CUX1: variants seen among roughly 807,000 people sequenced by gnomAD.
The protein encoded by CUX1 is cut like homeobox 1, also known as protein CASP.
CUX1 carries 31 observed loss-of-function variants against 158.8 expected under a neutral mutation model. The observed-to-expected ratio is 0.20, with a 90% CI of 0.15 to 0.26. The LOEUF is 0.26. Among genes scored for constraint, CUX1 ranks in the 10% least tolerant of loss-of-function variants. The pLI is 1.00. For missense variants in CUX1, 1,589 were observed against 2,014.6 expected (o/e 0.79, Z 4.04); for synonymous variants, 879 against 862.1 (o/e 1.02, Z -0.34).
At chr7:102,281,935 G>T (rs77033884) in intron 21 of CUX1, 2 of 1,584,064 alleles carry the variant, frequency 1.3e-6, no homozygotes, top group African/African-American at 2.7e-5. Context: ...GTGTGCACAC[G>T]GGCGGGCCAG....
intron 20 of CUX1, among the ~76,000 whole-genome samples, chr7:102,206,535 C>T (rs540531817): frequency 1.1e-4 from 17 of 152,136 alleles, no homozygotes; most frequent in African/African-American, 2.9e-4. Flanking sequence ...TTGAAACTCA[C>T]GAGAGTATTT....
chr7:102,197,789 A>G (rs1162728503), intron 15 of CUX1, among the ~76,000 whole-genome samples: 1 of 152,172 alleles, frequency 6.6e-6, no homozygotes, highest in East Asian at 1.9e-4. Context: ...CCCGCAGAAG[A>G]GGGCGTGTCC....
chr7:102,216,619 C>A (rs192128500), intron 20 of CUX1, among the ~76,000 whole-genome samples: 7 of 73,978 alleles, frequency 9.5e-5, no homozygotes, highest in South Asian at 5.5e-4. Flanking sequence ...CACACACTCC[C>A]CACACACACA....
At position 102,248,554 on chromosome 7, in the gene CUX1, A is replaced by T. The variant is rs1395259280; in HGVS notation, c.4030A>T (p.Thr1344Ser). 3 of 1,500,744 alleles carry T rather than the reference A, an allele frequency of 2.0e-6. No homozygotes were observed. The African/African-American group carries it at 4.3e-5, about 22-fold the overall frequency. The allele number at this position is 1,500,744 out of a possible 1,614,324, so 93.0% of individuals were successfully genotyped here. Residue 1344 changes from threonine to serine, a missense_variant, in exon 24 of 24, where the codon ACT (threonine) becomes TCT (serine). Physicochemically the swap from Thr to Ser is moderately conservative, Grantham distance 58. Transcript: ENST00000292535. This position sits in a 1 kb window ranked among gnomAD's most constrained non-coding sequence, Gnocchi z 5.8. ...EGDSCDGVEA[T>S]EGPGSADTEE... is the part of the protein sequence containing the mutation. ...CGACAGCTGCGACGGCGTGGAGGCC[A>T]CTGAGGGCCCAGGCAGCGCCGACAC... is the stretch of plus-strand genomic sequence containing the variant.
exon 20 of CUX1, chr7:102,280,847 C>T: frequency 6.2e-7 from 1 of 1,612,468 alleles, no homozygotes. Flanking sequence ...TGGGACAAGG[C>T]CACCCTCAGC....
At chr7:101,889,888 G>T (rs1203038025) in intron 1 of CUX1, among the ~76,000 whole-genome samples, 1 of 152,208 alleles carries the variant, frequency 6.6e-6, no homozygotes, top group East Asian at 1.9e-4. Context: ...CGCTTGTAGG[G>T]TGTTGAAACT....
At chr7:102,234,549 C>T (rs1286270458) in intron 22 of CUX1, among the ~76,000 whole-genome samples, 45 of 152,058 alleles carry the variant, frequency 3.0e-4, no homozygotes, top group Admixed American at 3.0e-3. Flanking sequence ...GGTGGCTGAT[C>T]GGGCTATCAC....
intron 3 of CUX1, among the ~76,000 whole-genome samples, chr7:102,058,486 G>C (rs1312268528): frequency 6.6e-6 from 1 of 151,682 alleles, no homozygotes; most frequent in African/African-American, 2.4e-5. Context: ...TTTCACGATG[G>C]TGGCCAGGCT....
intron 2 of CUX1, among the ~76,000 whole-genome samples, chr7:102,016,414 C>A (rs1249461220): frequency 1.3e-5 from 2 of 152,234 alleles, no homozygotes; most frequent in African/African-American, 4.8e-5. Flanking sequence ...GAAGGAGCCC[C>A]TAAAACAGGG....
intron 1 of CUX1, among the ~76,000 whole-genome samples, chr7:101,831,891 G>C (rs1334514978): frequency 6.6e-6 from 1 of 151,894 alleles, no homozygotes; most frequent in East Asian, 1.9e-4. Flanking sequence ...ACAGGCATGC[G>C]CCACCATGCC....
intron 8 of CUX1, among the ~76,000 whole-genome samples, chr7:102,123,437 A>G (rs200392263): frequency 5.3e-5 from 8 of 151,416 alleles, no homozygotes; most frequent in East Asian, 2.0e-4. Flanking sequence ...GTGAAACCCC[A>G]TCTCTACTAA....
At chr7:102,113,013 G>A (rs1017846550) in intron 7 of CUX1, among the ~76,000 whole-genome samples, 8 of 152,006 alleles carry the variant, frequency 5.3e-5, no homozygotes, top group Admixed American at 5.2e-4. Flanking sequence ...CCACAAATTT[G>A]ACAAACGGAT....
intron 1 of CUX1, among the ~76,000 whole-genome samples, chr7:101,882,881 G>A (rs955304282): frequency 2.0e-5 from 3 of 152,130 alleles, no homozygotes; most frequent in African/African-American, 7.2e-5. Flanking sequence ...TCCCTGTCTC[G>A]CCCAGCCTTG....
In CUX1 at chr7:102,028,121, G is replaced by A. The variant is rs754267064; in HGVS notation, c.165G>A (p.Pro55=). 1.1e-5 allele frequency: 17 copies of A among 1,612,448 alleles called. No individual in the cohort carries two copies. Among genetic ancestry groups the A allele is most frequent in the Middle Eastern group, 2.1e-4 (1 of 4,664 alleles). ...AGGATTTGCGCAAGCAGGTAGCGCCGCTGCTGAAGAGTTTCCAAGGAGAGG... is the reference window on the plus strand; with the variant it reads ...AGGATTTGCGCAAGCAGGTAGCGCCACTGCTGAAGAGTTTCCAAGGAGAGG... ...TPEDLRKQVA[P]LLKSFQGEID... The change falls in exon 3 of 24, where the codon CCG becomes CCA. Residue 55 remains proline (P), a synonymous_variant. Coordinates refer to ENST00000292535, the MANE Select transcript of CUX1 (RefSeq NM_181552.4).
intron 10 of CUX1, 117 bp from the exon 11 acceptor site, chr7:102,178,352 C>T: frequency 1.0e-6 from 1 of 1,002,144 alleles, no homozygotes; most frequent in East Asian, 2.6e-5. Context: ...TGACATCCTG[C>T]CATCACCATC....
intron 1 of CUX1, chr7:101,913,540 G>C (rs1563000418): frequency 2.2e-6 from 1 of 460,766 alleles, no homozygotes. Flanking sequence ...GACCGAGGGG[G>C]ACGGAGGGGG....
chr7:101,822,900 G>T (rs2130927910), intron 1 of CUX1, among the ~76,000 whole-genome samples: 1 of 143,908 alleles, frequency 6.9e-6, no homozygotes, highest in East Asian at 2.0e-4. Flanking sequence ...GCGAGACTCT[G>T]TCTCAGAAAA....
chr7:102,265,579 C>T (rs1790742071), intron 14 of CUX1, among the ~76,000 whole-genome samples: 2 of 151,854 alleles, frequency 1.3e-5, no homozygotes, highest in African/African-American at 2.4e-5. Flanking sequence ...CAGGGACAGG[C>T]GTGCACCACC....
chr7:102,256,970 A>G lies in CUX1; in HGVS notation c.*7928A>G. The G allele has an allele frequency of 1.0e-6, 1 of 985,458 alleles. No individual in the cohort carries two copies. The highest frequency in any genetic ancestry group is 1.2e-6 in the Non-Finnish European group (1 of 829,956). The allele number at this position is 985,458 out of a possible 1,614,324, so 61.0% of individuals were successfully genotyped here. On this transcript the variant is annotated 3_prime_UTR_variant, in exon 24 of 24. Transcript: ENST00000292535. ...GGCTTGAGGGCTCACCTAGGAGATC[A>G]TAGGCAGAGGGCCCCTTTCCCCTAT...
Sources: gnomAD v4.1 joint callset for allele counts (sites outside exome capture counted in the v4.1 genomes callset) on GRCh38, gnomAD v4.1.1 for gene constraint, Gnocchi (gnomAD v3.1) non-coding constraint, MANE v1.5 for transcripts, NCBI Gene and HGNC (gene_info 2026-07-23, HGNC 2026-07-21) for gene names.